PRMT9: variants seen among roughly 807,000 people sequenced by gnomAD.
The protein encoded by PRMT9 is protein arginine N-methyltransferase 9.
Under a neutral mutation model 83.2 loss-of-function variants are expected in PRMT9, and 59 were observed. The ratio of observed to expected loss-of-function variants is 0.71; its 90% CI spans 0.57 to 0.88. PRMT9 has a LOEUF of 0.88. Ranked by LOEUF, PRMT9 falls within the 40% of genes least tolerant of loss-of-function variation. The probability of loss-of-function intolerance (pLI) is 0.00; values close to 1 mark genes in which losing one functional copy is unlikely to be tolerated. For synonymous variants in PRMT9, 333 were observed against 353.2 expected (o/e 0.94, Z 0.64); for missense variants, 947 against 1,021.9 (o/e 0.93, Z 1.00).
chr4:147,677,573 C>G (rs1736174027), intron 2 of PRMT9, among the ~76,000 whole-genome samples: 1 of 151,476 alleles, frequency 6.6e-6, no homozygotes, highest in African/African-American at 2.4e-5. Flanking sequence ...CCTACCTCAG[C>G]CTCCCGAGTA....
At position 147,672,454 on chromosome 4, in the gene PRMT9, G is replaced by A. The variant is rs2036498; in HGVS notation, c.743+505C>T. On this transcript the variant is annotated intron_variant, in intron 4 of 11. Coordinates refer to ENST00000322396, the MANE Select transcript of PRMT9 (RefSeq NM_138364.4). ...TTCCATCACCCTTGTGATATGGATCGGAGTGAGAAAACATACTAAAAAGCC... is the reference window on the plus strand; with the variant it reads ...TTCCATCACCCTTGTGATATGGATCAGAGTGAGAAAACATACTAAAAAGCC... Among the ~76,000 whole-genome samples, 1,305 of 152,288 alleles carry A rather than the reference G, an allele frequency of 8.6e-3. 20 individuals carry two copies. The highest frequency in any genetic ancestry group is 0.03 in the African/African-American group (1,245 of 41,518).
chr4:147,684,140 C>T lies in PRMT9; in HGVS notation c.-153G>A. ...GCGGGTGAACTCGCCAACCCCAGCC[C>T]AGGCGGAAGCTCCGCCCCGTCCTGG... is the stretch of plus-strand genomic sequence containing the variant. On this transcript the variant is annotated 5_prime_UTR_variant, in exon 1 of 12. Transcript: ENST00000322396. 1.1e-6 allele frequency: 1 copy of T among 887,446 alleles called. No individual in the cohort carries two copies. The highest frequency in any genetic ancestry group is 1.6e-5 in the African/African-American group (1 of 60,674). 55.0% of individuals were successfully genotyped at this position (887,446 alleles called of 1,614,324 possible).
rs779562930 is a variant in PRMT9 at position 147,642,930 on chromosome 4, G to GTA, written c.2054_2055dup (p.Gln686TyrfsTer13). On this transcript the variant is annotated frameshift_variant, in exon 10 of 12. Coordinates refer to ENST00000322396, the MANE Select transcript of PRMT9 (RefSeq NM_138364.4). LOFTEE classifies it high-confidence loss of function. The stretch of plus-strand genomic sequence containing the variant: ...TGAGGAAAGATCTTGCCTCCAGATT[G>GTA]TAGTAAACACCTAAGAAAAAAAGTA... The GTA allele has an allele frequency of 6.2e-7, 1 of 1,613,954 alleles. No homozygotes were observed. The highest frequency in any genetic ancestry group is 8.5e-7 in the Non-Finnish European group (1 of 1,179,892).
At chr4:147,666,783 C>T (rs924643473) in intron 6 of PRMT9, among the ~76,000 whole-genome samples, 9 of 149,330 alleles carry the variant, frequency 6.0e-5, no homozygotes, top group Non-Finnish European at 1.0e-4. Context: ...TTGTCAACAC[C>T]TTTCTTCATA....
chr4:147,639,003 T>C lies in PRMT9; in HGVS notation c.2279A>G (p.Asp760Gly). ...LSKPVELLRL[D>G]LMTPYLNTSN... is the part of the protein sequence containing the mutation. ...GGTGTTCAAATACGGAGTCATTAAATCTAGTCTTAAGAGTTCCACTGGCTT... is the reference window on the plus strand; with the variant it reads ...GGTGTTCAAATACGGAGTCATTAAACCTAGTCTTAAGAGTTCCACTGGCTT... The change falls in exon 11 of 12, where the codon GAT (aspartate) becomes GGT (glycine). Residue 760 changes from aspartate to glycine, a missense_variant. Physicochemically the swap from Asp to Gly is moderately conservative, Grantham distance 94 (BLOSUM62 -1). Coordinates refer to ENST00000322396, the MANE Select transcript of PRMT9 (RefSeq NM_138364.4). The C allele has an allele frequency of 6.2e-7, 1 of 1,612,588 alleles. No individual in the cohort carries two copies. The highest frequency in any genetic ancestry group is 8.5e-7 in the Non-Finnish European group (1 of 1,178,744).
intron 7 of PRMT9, among the ~76,000 whole-genome samples, chr4:147,658,343 G>T (rs964840710): frequency 1.6e-4 from 24 of 151,896 alleles, no homozygotes; most frequent in African/African-American, 5.3e-4. Flanking sequence ...GAGAGCATGT[G>T]TTTAAGAGAG....
At chr4:147,655,551 C>CT (rs1734428949) in intron 8 of PRMT9, among the ~76,000 whole-genome samples, 2 of 152,032 alleles carry the variant, frequency 1.3e-5, no homozygotes, top group African/African-American at 4.8e-5. Flanking sequence ...AATTGTTATA[C>CT]TTTTTTGGGT....
intron 9 of PRMT9, among the ~76,000 whole-genome samples, chr4:147,649,632 A>G (rs968323381): frequency 2.0e-5 from 3 of 152,084 alleles, no homozygotes; most frequent in Non-Finnish European, 2.9e-5. Flanking sequence ...CCTCCCAAGT[A>G]GCTGGGATTA....
At chr4:147,640,823 GCCGTC>G (rs1733346654) in intron 10 of PRMT9, among the ~76,000 whole-genome samples, 1 of 152,100 alleles carries the variant, frequency 6.6e-6, no homozygotes, top group African/African-American at 2.4e-5. Context: ...TTGAGCTCAA[GCCGTC>G]CTCCCACCGC....
At chr4:147,660,333 G>A (rs1311595346) in intron 7 of PRMT9, among the ~76,000 whole-genome samples, 3 of 152,156 alleles carry the variant, frequency 2.0e-5, no homozygotes, top group Non-Finnish European at 1.5e-5. Flanking sequence ...GGTTTTCTCT[G>A]TATTTAAATA....
intron 9 of PRMT9, among the ~76,000 whole-genome samples, chr4:147,648,745 T>C (rs897776154): frequency 1.7e-4 from 26 of 152,122 alleles, no homozygotes; most frequent in African/African-American, 5.8e-4. Context: ...TGATAATCAG[T>C]TTAGTTGTCT....
chr4:147,673,625 A>G lies in PRMT9; in HGVS notation c.575+13T>C. 1 of 1,484,616 alleles carries G rather than the reference A, an allele frequency of 6.7e-7. No homozygotes were observed. Among genetic ancestry groups the G allele is most frequent in the Admixed American group, 1.7e-5 (1 of 59,898 alleles). The allele number at this position is 1,484,616 out of a possible 1,614,324, so 92.0% of individuals were successfully genotyped here. On this transcript the variant is annotated intron_variant, in intron 3 of 11. Transcript: ENST00000322396. ...ATACATGTATATACCATTAAAATGCAATTACTACCAACCTTAGTATTCCAG... is the reference window on the plus strand; with the variant it reads ...ATACATGTATATACCATTAAAATGCGATTACTACCAACCTTAGTATTCCAG...
chr4:147,649,082 A>G (rs1353229989), intron 9 of PRMT9, among the ~76,000 whole-genome samples: 1 of 152,214 alleles, frequency 6.6e-6, no homozygotes, highest in Non-Finnish European at 1.5e-5. Context: ...AAAGTCTAAC[A>G]AACTACAACA....
chr4:147,681,123 A>G (rs556026661), intron 1 of PRMT9, among the ~76,000 whole-genome samples: 5 of 152,344 alleles, frequency 3.3e-5, no homozygotes, highest in African/African-American at 7.2e-5. Flanking sequence ...GACACAGGCT[A>G]TAAGATTAAG....
intron 7 of PRMT9, among the ~76,000 whole-genome samples, chr4:147,660,109 T>C (rs1206708161): frequency 6.6e-6 from 1 of 152,188 alleles, no homozygotes; most frequent in East Asian, 1.9e-4. Flanking sequence ...GGCAGCATGA[T>C]ATAGAGATAA....
At chr4:147,680,960 A>G (rs1736429869) in intron 1 of PRMT9, among the ~76,000 whole-genome samples, 6 of 152,256 alleles carry the variant, frequency 3.9e-5, no homozygotes, top group Admixed American at 3.9e-4. Flanking sequence ...AGCCATTGCA[A>G]ATGTAGTCCA....
chr4:147,675,735 G>C (rs114103099), intron 2 of PRMT9, among the ~76,000 whole-genome samples: 4 of 152,082 alleles, frequency 2.6e-5, no homozygotes, highest in Non-Finnish European at 1.5e-5. Context: ...ATGATACAAC[G>C]TATCAGTGAA....
chr4:147,651,437 A>G (rs1018092081), intron 9 of PRMT9, among the ~76,000 whole-genome samples: 3 of 152,240 alleles, frequency 2.0e-5, no homozygotes, highest in Non-Finnish European at 2.9e-5. Context: ...TGATCAAAAG[A>G]GTGAAAAGGC....
chr4:147,678,387 T>TCCC (rs1299441066), intron 2 of PRMT9, among the ~76,000 whole-genome samples: 1 of 152,178 alleles, frequency 6.6e-6, no homozygotes, highest in Non-Finnish European at 1.5e-5. Context: ...CCATGCTGAG[T>TCCC]CCCCATCACT....
Sources: allele counts gnomAD v4.1 joint callset (sites outside exome capture counted in the v4.1 genomes callset), GRCh38; gene constraint gnomAD v4.1.1; transcripts MANE v1.5; gene names NCBI Gene and HGNC (gene_info 2026-07-23, HGNC 2026-07-21).